The following GATB variants were observed in gnomAD, a reference collection of about 807,000 sequenced individuals.
GATB encodes the protein glutamyl-tRNA(Gln) amidotransferase subunit B, mitochondrial.
GATB carries 39 observed loss-of-function variants against 62.3 expected under a neutral mutation model. That is an observed-to-expected ratio of 0.63 (90% CI 0.48 to 0.82). The LOEUF is 0.82. Among genes scored for constraint, GATB ranks in the 40% least tolerant of loss-of-function variants. GATB has a pLI of 0.00. For synonymous variants in GATB, 276 were observed against 258.9 expected (o/e 1.07, Z -0.63); for missense variants, 670 against 684.0 (o/e 0.98, Z 0.23).
At chr4:151,699,148 G>GGGAGGC (rs1249023961) in intron 9 of GATB, among the ~76,000 whole-genome samples, 1 of 152,146 alleles carries the variant, frequency 6.6e-6, no homozygotes, top group Non-Finnish European at 1.5e-5. Flanking sequence ...CCAGCACTTT[G>GGGAGGC]GGAGGCAGAG....
chr4:151,700,182 G>C (rs1446250360), intron 9 of GATB, among the ~76,000 whole-genome samples: 1 of 152,224 alleles, frequency 6.6e-6, no homozygotes, highest in Non-Finnish European at 1.5e-5. Context: ...CTCAGTCATA[G>C]TCAAAGTGTG....
At position 151,671,136 on chromosome 4, in the gene GATB, T is replaced by G; in HGVS notation, c.*38A>C. ...TCCTGTTCCCAGTCAGGCTGCACTG[T>G]TTGTTGTTGTCCCTTGGGCAAGGGG... On this transcript the variant is annotated 3_prime_UTR_variant, in exon 13 of 13. Coordinates refer to ENST00000263985, the MANE Select transcript of GATB (RefSeq NM_004564.3). 6.2e-7 allele frequency: 1 copy of G among 1,613,446 alleles called. No individual in the cohort carries two copies. Among genetic ancestry groups the G allele is most frequent in the Non-Finnish European group, 8.5e-7 (1 of 1,179,472 alleles).
intron 2 of GATB, among the ~76,000 whole-genome samples, chr4:151,745,101 T>G (rs1234784925): frequency 6.6e-6 from 1 of 152,196 alleles, no homozygotes; most frequent in African/African-American, 2.4e-5. Context: ...ATCTTTCAGA[T>G]TACATTAAAG....
At chr4:151,729,636 A>T (rs1159928502) in intron 2 of GATB, among the ~76,000 whole-genome samples, 1 of 152,180 alleles carries the variant, frequency 6.6e-6, no homozygotes, top group Non-Finnish European at 1.5e-5. Flanking sequence ...GAAAAAAAAA[A>T]TCTAGGTGCA....
chr4:151,716,069 C>T lies in GATB; in HGVS notation c.703G>A (p.Ala235Thr). ...DMSCGEEAAT[A>T]VRELQLILQA... ...AGGATCAGCTGCAGCTCCCTGACAG[C>T]TGTTGCCGCCTCTTCTCCACAGGAC... The change falls in exon 5 of 13, where the codon GCT becomes ACT. Residue 235 changes from alanine to threonine, a missense_variant. Ala to Thr is a moderately conservative substitution (Grantham distance 58). Coordinates refer to ENST00000263985, the MANE Select transcript of GATB (RefSeq NM_004564.3). The T allele has an allele frequency of 1.2e-6, 2 of 1,613,994 alleles. No homozygotes were observed. The highest frequency in any genetic ancestry group is 1.7e-6 in the Non-Finnish European group (2 of 1,179,952).
rs770774051 is a variant in GATB at position 151,760,949 on chromosome 4, C to T, written c.34G>A (p.Gly12Arg). 1 of 1,613,306 alleles carries T rather than the reference C, an allele frequency of 6.2e-7. No homozygotes were observed. Among genetic ancestry groups the T allele is most frequent in the Non-Finnish European group, 8.5e-7 (1 of 1,179,798 alleles). Residue 12 changes from glycine to arginine, a missense_variant, in exon 1 of 13, where the codon GGA (glycine) becomes AGA (arginine). Coordinates refer to ENST00000263985, the MANE Select transcript of GATB (RefSeq NM_004564.3). The stretch of plus-strand genomic sequence containing the variant: ...ACCCGGGCGAAAGCCCAACGTCTTC[C>T]ACGGCAGCCCCAGCGCAGCATGGGC... ...AAPMLRWGCRGRRWAFARVDG... is the reference protein window; with the variant it reads ...AAPMLRWGCRRRRWAFARVDG...
intron 11 of GATB, among the ~76,000 whole-genome samples, chr4:151,678,824 C>T (rs1327978456): frequency 2.6e-5 from 4 of 152,164 alleles, no homozygotes; most frequent in African/African-American, 7.2e-5. Context: ...TTGACAGCTG[C>T]GATCACTGAA....
At chr4:151,686,652 G>GCC (rs374250502) in intron 10 of GATB, among the ~76,000 whole-genome samples, 955 of 70,796 alleles carry the variant, frequency 0.013, 10 homozygotes, top group East Asian at 0.03. Context: ...TCCCCGCCCC[G>GCC]CCCCCCCCCC....
chr4:151,744,674 G>A (rs1226116745), intron 2 of GATB, among the ~76,000 whole-genome samples: 2 of 152,170 alleles, frequency 1.3e-5, no homozygotes. Flanking sequence ...CTGGTAGAGA[G>A]GTAGGGAAGT....
chr4:151,696,857 T>C (rs1307759533), intron 9 of GATB, among the ~76,000 whole-genome samples: 3 of 152,268 alleles, frequency 2.0e-5, no homozygotes, highest in African/African-American at 4.8e-5. Context: ...ATTCTGATCA[T>C]TGTATTATAA....
intron 9 of GATB, among the ~76,000 whole-genome samples, chr4:151,695,183 T>C (rs1738443884): frequency 2.0e-5 from 3 of 152,150 alleles, no homozygotes; most frequent in Non-Finnish European, 4.4e-5. Context: ...TTTTAGCGCG[T>C]TGCTTGGTGT....
chr4:151,693,587 C>T (rs1344599835), intron 9 of GATB, among the ~76,000 whole-genome samples: 1 of 152,160 alleles, frequency 6.6e-6, no homozygotes, highest in Middle Eastern at 3.2e-3. Flanking sequence ...TCTGCAGAGG[C>T]TCTGAAATGG....
intron 9 of GATB, among the ~76,000 whole-genome samples, chr4:151,699,938 G>A (rs774074063): frequency 2.0e-5 from 3 of 152,142 alleles, no homozygotes; most frequent in East Asian, 1.9e-4. Flanking sequence ...TTAAATCTTC[G>A]AGGCTGAGTA....
In GATB at chr4:151,670,986, T is replaced by C. The variant is rs908896059; in HGVS notation, c.*188A>G. On this transcript the variant is annotated 3_prime_UTR_variant, in exon 13 of 13. Coordinates refer to ENST00000263985, the MANE Select transcript of GATB (RefSeq NM_004564.3). Reference sequence around the variant, plus strand: ...AGGCGGGGTGGCTGCTGGTCGGCTGTGGAGGCACCTCCAGGCACAGGGCCT... The same window carrying C: ...AGGCGGGGTGGCTGCTGGTCGGCTGCGGAGGCACCTCCAGGCACAGGGCCT... 1.5e-6 allele frequency: 1 copy of C among 645,962 alleles called. No individual in the cohort carries two copies. The highest frequency in any genetic ancestry group is 2.2e-5 in the South Asian group (1 of 44,682). The allele number at this position is 645,962 out of a possible 1,614,324, so 40.0% of individuals were successfully genotyped here.
chr4:151,710,352 A>T (rs781386771), intron 5 of GATB, among the ~76,000 whole-genome samples: 3 of 152,218 alleles, frequency 2.0e-5, no homozygotes, highest in Non-Finnish European at 2.9e-5. Flanking sequence ...ATGAACAAAC[A>T]AGAACCCCAA....
At chr4:151,753,901 C>T (rs569965805) in intron 2 of GATB, among the ~76,000 whole-genome samples, 10 of 152,186 alleles carry the variant, frequency 6.6e-5, no homozygotes, top group Admixed American at 5.2e-4. Flanking sequence ...CAGTTGCCCA[C>T]ACTCACTTCT....
chr4:151,717,475 C>T (rs921967553), intron 3 of GATB: 6 of 195,194 alleles, frequency 3.1e-5, no homozygotes, highest in Non-Finnish European at 5.2e-5. Flanking sequence ...GGCAGACCCT[C>T]CTTATTTGGA....
At chr4:151,758,061 A>G (rs1739872586) in intron 2 of GATB, among the ~76,000 whole-genome samples, 1 of 152,238 alleles carries the variant, frequency 6.6e-6, no homozygotes, top group Admixed American at 6.5e-5. Context: ...GTCATTCCAT[A>G]GGATCAAGTA....
intron 6 of GATB, among the ~76,000 whole-genome samples, chr4:151,706,945 C>T (rs1281129739): frequency 6.6e-6 from 1 of 152,200 alleles, no homozygotes; most frequent in Non-Finnish European, 1.5e-5. Context: ...CTTGAATTCA[C>T]AGTTACCTAT....
Sources: gnomAD v4.1 joint callset for allele counts (sites outside exome capture counted in the v4.1 genomes callset) on GRCh38, gnomAD v4.1.1 for gene constraint, MANE v1.5 for transcripts, NCBI Gene and HGNC (gene_info 2026-07-23, HGNC 2026-07-21) for gene names.